Variants in SSH2 observed in about 807,000 individuals in gnomAD.
The protein encoded by SSH2 is protein phosphatase Slingshot homolog 2.
In SSH2, 37 loss-of-function variants were observed where a neutral mutation model predicts 135.2. The observed-to-expected ratio is 0.27, with a 90% confidence interval of 0.21 to 0.36. SSH2 has a LOEUF of 0.36. Among genes scored for constraint, SSH2 ranks in the 10% least tolerant of loss-of-function variants. The probability of loss-of-function intolerance (pLI) is 1.00; values close to 1 mark genes in which losing one functional copy is unlikely to be tolerated. For synonymous variants in SSH2, 628 were observed against 646.2 expected (o/e 0.97, Z 0.43); for missense variants, 1,408 against 1,765.3 (o/e 0.80, Z 3.63).
intron 3 of SSH2, among the ~76,000 whole-genome samples, chr17:29,745,711 T>C (rs1212148117): frequency 6.6e-6 from 1 of 152,198 alleles, no homozygotes; most frequent in East Asian, 1.9e-4. Flanking sequence ...AGTGTGCCAC[T>C]CTAATTATTT....
chr17:29,664,204 T>A (rs2037175606), intron 11 of SSH2, among the ~76,000 whole-genome samples: 1 of 152,026 alleles, frequency 6.6e-6, no homozygotes, highest in African/African-American at 2.4e-5. Context: ...AAATCCCGTC[T>A]CTACTAAAAA....
intron 3 of SSH2, among the ~76,000 whole-genome samples, chr17:29,767,629 GCACA>G (rs35751093): frequency 1.8e-4 from 26 of 147,594 alleles, no homozygotes; most frequent in African/African-American, 3.2e-4. Context: ...GCACACACAC[GCACA>G]CACACACACA....
intron 3 of SSH2, among the ~76,000 whole-genome samples, chr17:29,729,603 C>T (rs967827337): frequency 1.3e-5 from 2 of 152,282 alleles, no homozygotes; most frequent in East Asian, 1.9e-4. Context: ...CTTTGCAGCT[C>T]TACTCACAAT....
At chr17:29,869,974 G>A (rs576427316) in intron 1 of SSH2, among the ~76,000 whole-genome samples, 3 of 152,024 alleles carry the variant, frequency 2.0e-5, no homozygotes, top group Non-Finnish European at 2.9e-5. Context: ...GATATTGGTC[G>A]GTACTATTTT....
chr17:29,924,602 T>C (rs2067032623), intron 1 of SSH2, among the ~76,000 whole-genome samples: 2 of 152,140 alleles, frequency 1.3e-5, no homozygotes, highest in African/African-American at 2.4e-5. Flanking sequence ...TAGGCAAGAA[T>C]TGCTCAATTT....
intron 3 of SSH2, among the ~76,000 whole-genome samples, chr17:29,775,552 G>A (rs2041680613): frequency 6.6e-6 from 1 of 152,132 alleles, no homozygotes; most frequent in Non-Finnish European, 1.5e-5. Context: ...ACCATCCTGG[G>A]AATGTCATTT....
chr17:29,874,983 G>C (rs1346369232), intron 1 of SSH2, among the ~76,000 whole-genome samples: 1 of 152,062 alleles, frequency 6.6e-6, no homozygotes, highest in African/African-American at 2.4e-5. Flanking sequence ...CTATTTGCCG[G>C]TGAATCCCAA....
At position 29,755,316 on chromosome 17, in the gene SSH2, T is replaced by G. The variant is rs1172797592; in HGVS notation, c.188+38578A>C. Among the ~76,000 whole-genome samples the G allele has an allele frequency of 2.0e-5, 3 of 152,244 alleles. No individual in the cohort carries two copies. The East Asian group carries it at 5.8e-4, about 29-fold the overall frequency. On this transcript the variant is annotated intron_variant, in intron 3 of 15. Coordinates refer to ENST00000540801, the MANE Select transcript of SSH2 (RefSeq NM_001282129.2). ...TATTTTTTTCTAGTAGAATTAACACTTAACAGTATAATAGTAACTACAGTT... is the reference window on the plus strand; with the variant it reads ...TATTTTTTTCTAGTAGAATTAACACGTAACAGTATAATAGTAACTACAGTT...
At chr17:29,858,171 G>A (rs1481101364) in intron 1 of SSH2, among the ~76,000 whole-genome samples, 1 of 152,148 alleles carries the variant, frequency 6.6e-6, no homozygotes, top group Non-Finnish European at 1.5e-5. Flanking sequence ...ATATTTCATT[G>A]CAGAGATATC....
chr17:29,635,395 C>A (rs535137117), intron 15 of SSH2, among the ~76,000 whole-genome samples: 1 of 152,018 alleles, frequency 6.6e-6, no homozygotes, highest in Admixed American at 6.6e-5. Context: ...ATATTAACTG[C>A]GTATCTTTGG....
At chr17:29,929,829 G>T in intron 1 of SSH2, 109 bp downstream of exon 1, 2 of 1,044,316 alleles carry the variant, frequency 1.9e-6, no homozygotes, top group Non-Finnish European at 2.8e-6. Context: ...GAGTGCCAAG[G>T]CCTGGGAAGC....
At chr17:29,840,918 C>T (rs908869547) in intron 2 of SSH2, among the ~76,000 whole-genome samples, 1 of 152,194 alleles carries the variant, frequency 6.6e-6, no homozygotes, top group African/African-American at 2.4e-5. Context: ...TGGGCTCTGA[C>T]CCAGATTGTC....
intron 1 of SSH2, among the ~76,000 whole-genome samples, chr17:29,897,685 T>G (rs2066470136): frequency 6.6e-6 from 1 of 152,094 alleles, no homozygotes; most frequent in Non-Finnish European, 1.5e-5. Flanking sequence ...AATGGGAGAC[T>G]TTAACACCCC....
At position 29,641,359 on chromosome 17, in the gene SSH2, G is replaced by A. The variant is rs578251294; in HGVS notation, c.1428-4557C>T. Reference sequence around the variant, plus strand: ...TTTTAAACTATTAAATTTTAAACTCGGCCGACTCCCCACCTCCCACCCCCT... The same window carrying A: ...TTTTAAACTATTAAATTTTAAACTCAGCCGACTCCCCACCTCCCACCCCCT... On this transcript the variant is annotated intron_variant, in intron 14 of 15. Transcript: ENST00000540801. Among the ~76,000 whole-genome samples the A allele has an allele frequency of 3.3e-5, 5 of 152,032 alleles. No individual in the cohort carries two copies. In the South Asian group the frequency reaches 8.3e-4, roughly 25 times the overall value.
chr17:29,776,341 C>T (rs371828321), intron 3 of SSH2: 9 of 152,092 alleles, frequency 5.9e-5, no homozygotes, highest in South Asian at 2.1e-4. Flanking sequence ...CCCAACACAC[C>T]GTCTTTAGCT....
intron 3 of SSH2, among the ~76,000 whole-genome samples, chr17:29,764,821 C>G (rs777169979): frequency 1.3e-5 from 2 of 152,196 alleles, no homozygotes; most frequent in African/African-American, 2.4e-5. Flanking sequence ...AAGGGACTTC[C>G]ATTACTGTGT....
At chr17:29,905,355 G>A (rs140660154) in intron 1 of SSH2, among the ~76,000 whole-genome samples, 8 of 152,240 alleles carry the variant, frequency 5.3e-5, no homozygotes, top group African/African-American at 1.9e-4. Context: ...CATGACTGAT[G>A]GTGGCAACTG....
At chr17:29,866,269 C>A (rs755128646) in intron 1 of SSH2, among the ~76,000 whole-genome samples, 3 of 152,160 alleles carry the variant, frequency 2.0e-5, no homozygotes, top group South Asian at 2.1e-4. Context: ...CAGAAACATT[C>A]CTAACTAATG....
Position 29,857,936 on chromosome 17 carries a change from T to C in SSH2, c.64-9007A>G, listed in dbSNP as rs572362631. 2.1e-4 allele frequency among the ~76,000 whole-genome samples: 32 copies of C among 152,378 alleles called. No individual in the cohort carries two copies. In the South Asian group the frequency reaches 6.4e-3, roughly 31 times the overall value. On this transcript the variant is annotated intron_variant, in intron 1 of 15. Coordinates refer to ENST00000540801, the MANE Select transcript of SSH2 (RefSeq NM_001282129.2). The stretch of plus-strand genomic sequence containing the variant: ...TAGCAACTACCACTCACTTTGTTTC[T>C]ATGAGTTTTGACTTGTCTAGATAAT...
Sources: gnomAD v4.1 joint callset for allele counts (sites outside exome capture counted in the v4.1 genomes callset) on GRCh38, gnomAD v4.1.1 for gene constraint, MANE v1.5 for transcripts, NCBI Gene and HGNC (gene_info 2026-07-23, HGNC 2026-07-21) for gene names.